Variants in ADAMTS17 observed in about 807,000 individuals in gnomAD.
ADAMTS17 encodes the protein A disintegrin and metalloproteinase with thrombospondin motifs 17.
ADAMTS17 carries 113 observed loss-of-function variants against 141.5 expected under a neutral mutation model. The ratio of observed to expected loss-of-function variants is 0.80; its 90% CI spans 0.69 to 0.93. The LOEUF (loss-of-function observed/expected upper bound fraction) is 0.93. Among genes scored for constraint, ADAMTS17 ranks in the 40% least tolerant of loss-of-function variants. The probability of loss-of-function intolerance (pLI) is 0.00; values close to 1 mark genes in which losing one functional copy is unlikely to be tolerated. For missense variants in ADAMTS17, 1,659 were observed against 1,517.9 expected (o/e 1.09, Z -1.54); for synonymous variants, 768 against 630.6 (o/e 1.22, Z -3.27).
At chr15:100,128,600 G>A (rs2037869733) in intron 12 of ADAMTS17, 1 of 152,248 alleles carries the variant, frequency 6.6e-6, no homozygotes, top group Admixed American at 6.5e-5. Flanking sequence ...TGGCGAGGGA[G>A]AGGGAGGACC....
At chr15:100,248,624 G>A (rs796596269) in intron 7 of ADAMTS17, among the ~76,000 whole-genome samples, 1 of 152,150 alleles carries the variant, frequency 6.6e-6, no homozygotes, top group African/African-American at 2.4e-5. Context: ...GCAGAGTGGG[G>A]GCCACTCAGT....
intron 8 of ADAMTS17, among the ~76,000 whole-genome samples, chr15:100,170,621 A>G (rs905707182): frequency 1.3e-5 from 2 of 152,234 alleles, no homozygotes; most frequent in African/African-American, 4.8e-5. Flanking sequence ...AACATCTTTT[A>G]AAAGTGTTTA....
At chr15:100,325,614 T>C (rs1027277801) in intron 3 of ADAMTS17, among the ~76,000 whole-genome samples, 19 of 152,168 alleles carry the variant, frequency 1.2e-4, no homozygotes, top group African/African-American at 4.6e-4. Flanking sequence ...TCTCACTCCA[T>C]TAGTTCATGC....
At chr15:100,038,309 C>T (rs1373857883) in intron 18 of ADAMTS17, among the ~76,000 whole-genome samples, 1 of 152,176 alleles carries the variant, frequency 6.6e-6, no homozygotes, top group African/African-American at 2.4e-5. Flanking sequence ...ATGAGGACTC[C>T]AACTTTGTTA....
At chr15:100,153,000 G>C (rs2039258959) in intron 9 of ADAMTS17, among the ~76,000 whole-genome samples, 1 of 152,204 alleles carries the variant, frequency 6.6e-6, no homozygotes, top group Non-Finnish European at 1.5e-5. Flanking sequence ...GGAGACTCGG[G>C]AGGGGCATAG....
At chr15:100,335,268 C>T (rs1384476812) in intron 2 of ADAMTS17, among the ~76,000 whole-genome samples, 1 of 152,194 alleles carries the variant, frequency 6.6e-6, no homozygotes, top group East Asian at 1.9e-4. Flanking sequence ...CAGAGACCTG[C>T]CCCATTTAAT....
At chr15:100,219,178 T>C (rs900924132) in intron 7 of ADAMTS17, among the ~76,000 whole-genome samples, 3 of 152,186 alleles carry the variant, frequency 2.0e-5, no homozygotes, top group African/African-American at 4.8e-5. Flanking sequence ...TGACTAGTGC[T>C]TGGGGACAAG....
At chr15:100,159,352 T>C (rs138798941) in intron 8 of ADAMTS17, among the ~76,000 whole-genome samples, 7 of 152,356 alleles carry the variant, frequency 4.6e-5, no homozygotes, top group Admixed American at 1.3e-4. Flanking sequence ...TTAGGTGAAA[T>C]CAGCTTTTTA....
At chr15:100,330,583 G>A (rs1451023808) in intron 3 of ADAMTS17, among the ~76,000 whole-genome samples, 1 of 152,134 alleles carries the variant, frequency 6.6e-6, no homozygotes, top group Non-Finnish European at 1.5e-5. Flanking sequence ...CAGGAGGAGG[G>A]AATTCTTATC....
chr15:100,223,203 T>C (rs547903857), intron 7 of ADAMTS17, among the ~76,000 whole-genome samples: 1 of 152,280 alleles, frequency 6.6e-6, no homozygotes, highest in South Asian at 2.1e-4. Context: ...CTGGAAACTG[T>C]CTAAAGGGGA....
intron 4 of ADAMTS17, among the ~76,000 whole-genome samples, chr15:100,262,853 G>T (rs1433586826): frequency 1.3e-5 from 2 of 149,658 alleles, no homozygotes; most frequent in African/African-American, 2.5e-5. Flanking sequence ...CATACATCAA[G>T]TCTTATTGGA....
chr15:100,001,597 C>A (rs1306225191), intron 18 of ADAMTS17, among the ~76,000 whole-genome samples: 2 of 152,078 alleles, frequency 1.3e-5, no homozygotes, highest in African/African-American at 2.4e-5. Flanking sequence ...GGAGACCATG[C>A]GTGCCTGCAG....
intron 10 of ADAMTS17, among the ~76,000 whole-genome samples, chr15:100,148,561 T>C (rs1159861143): frequency 6.6e-6 from 1 of 152,128 alleles, no homozygotes; most frequent in Non-Finnish European, 1.5e-5. Context: ...TCTGTTGTCC[T>C]TTCACTTACA....
At chr15:100,044,805 G>T (rs1449364691) in intron 18 of ADAMTS17, among the ~76,000 whole-genome samples, 1 of 135,802 alleles carries the variant, frequency 7.4e-6, no homozygotes, top group Non-Finnish European at 1.5e-5. Flanking sequence ...TATATAATTT[G>T]GATTTTTTTT....
intron 10 of ADAMTS17, among the ~76,000 whole-genome samples, chr15:100,143,852 A>G (rs936638415): frequency 4.6e-5 from 7 of 152,246 alleles, no homozygotes; most frequent in African/African-American, 1.4e-4. Flanking sequence ...TTATTTACCC[A>G]CACCTTTGAG....
chr15:100,010,826 C>G (rs995667131), intron 18 of ADAMTS17, among the ~76,000 whole-genome samples: 2 of 152,214 alleles, frequency 1.3e-5, no homozygotes, highest in Admixed American at 1.3e-4. Context: ...CAGAGGGACG[C>G]TTTACAGGCA....
chr15:100,288,419 G>T (rs1310999246), intron 3 of ADAMTS17, among the ~76,000 whole-genome samples: 1 of 152,158 alleles, frequency 6.6e-6, no homozygotes, highest in Non-Finnish European at 1.5e-5. Flanking sequence ...GTAACAGCTG[G>T]AGACTTCAAC....
intron 15 of ADAMTS17, among the ~76,000 whole-genome samples, chr15:100,091,010 C>CAAAAAAAAAAAAAAAAAAAAA (rs556800178): frequency 1.1e-4 from 6 of 54,606 alleles, no homozygotes; most frequent in East Asian, 1.1e-3. Context: ...TCCGTCTCAA[C>CAAAAAAAAAAAAAAAAAAAAA]AAAAAAAAAA....
intron 15 of ADAMTS17, among the ~76,000 whole-genome samples, chr15:100,082,853 G>C (rs573612101): frequency 2.3e-3 from 341 of 149,786 alleles, no homozygotes; most frequent in Non-Finnish European, 3.6e-3. Context: ...CAGCTGGGTG[G>C]TCTCCCGTGG....
Sources: gnomAD v4.1 joint callset for allele counts (sites outside exome capture counted in the v4.1 genomes callset) on GRCh38, gnomAD v4.1.1 for gene constraint, MANE v1.5 for transcripts, NCBI Gene and HGNC (gene_info 2026-07-23, HGNC 2026-07-21) for gene names.